ZDHHC6: variants seen among roughly 807,000 people sequenced by gnomAD.
ZDHHC6 encodes the protein palmitoyltransferase ZDHHC6.
ZDHHC6 carries 32 observed loss-of-function variants against 57.8 expected under a neutral mutation model. That is an observed-to-expected ratio of 0.55 (90% CI 0.42 to 0.74). The LOEUF is 0.74. ZDHHC6 is among the 30% of genes least tolerant of loss of function. ZDHHC6 has a pLI of 0.00. For synonymous variants in ZDHHC6, 128 were observed against 158.0 expected, an observed-to-expected ratio of 0.81 and a Z score of 1.42; for missense variants, 433 against 500.7, an observed-to-expected ratio of 0.86 and a Z score of 1.29.
At position 112,425,291 on chromosome 10, in the gene ZDHHC6, C is replaced by T. The variant is rs771266502; in HGVS notation, c.*346G>A. 1.3e-5 allele frequency: 20 copies of T among 1,537,046 alleles called. No individual in the cohort carries two copies. In the African/African-American group the frequency reaches 2.5e-4, roughly 19 times the overall value. On this transcript the variant is annotated 3_prime_UTR_variant, in exon 12 of 12. Coordinates refer to the ZDHHC6 transcript ENST00000626395. ...ACTTCACCACTCTCCCCACTGATAT[C>T]ATCTCTGTGGCTCAAAAATACTGAT...
intron 2 of ZDHHC6, among the ~76,000 whole-genome samples, chr10:112,444,447 G>A (rs1846447063): frequency 6.6e-6 from 1 of 152,210 alleles, no homozygotes; most frequent in Non-Finnish European, 1.5e-5. Flanking sequence ...TAGGTTATAA[G>A]CTCTTTCAGA....
At chr10:112,445,081 CTG>C in intron 2 of ZDHHC6, 87 bp downstream of exon 2, 9 of 1,414,686 alleles carry the variant, frequency 6.4e-6, no homozygotes, top group Non-Finnish European at 7.7e-6. Context: ...AAACAGTAGG[CTG>C]TGTTTGGTAT....
At chr10:112,436,520 A>T (rs1845547850) in intron 6 of ZDHHC6, among the ~76,000 whole-genome samples, 1 of 152,232 alleles carries the variant, frequency 6.6e-6, no homozygotes, top group Non-Finnish European at 1.5e-5. Context: ...CTTATGTAGA[A>T]GCTAAGAAGC....
chr10:112,425,274 ACT>A, exon 12 of ZDHHC6: 4 of 1,418,034 alleles, frequency 2.8e-6, no homozygotes, highest in Non-Finnish European at 3.8e-6. Flanking sequence ...TGACTTCACC[ACT>A]CTCCCCACTG....
Position 112,440,537 on chromosome 10 carries a change from G to C in ZDHHC6, c.678C>G (p.Ile226Met), listed in dbSNP as rs780941940. The change falls in exon 5 of 11, where the codon ATC becomes ATG. Residue 226 changes from isoleucine (I) to methionine (M), a missense_variant. Coordinates refer to ENST00000369405, the MANE Select transcript of ZDHHC6 (RefSeq NM_022494.3). ...TTGAGGTAATTGAGATGCTTACCTG[G>C]ATAAAAAACAACATCCCAACAGCTA... is the stretch of plus-strand genomic sequence containing the variant. ...TTIAVGMLFF[I>M]QMKIILRNKT... 6.2e-6 allele frequency: 10 copies of C among 1,612,360 alleles called. No homozygotes were observed. In the Admixed American group the frequency reaches 1.7e-4, roughly 27 times the overall value.
At chr10:112,447,560 G>T (rs976791714), upstream of ZDHHC6, 3 of 1,428,796 alleles carry the variant, frequency 2.1e-6, no homozygotes, top group Non-Finnish European at 2.9e-6. Context: ...TCTATGAGGC[G>T]CGAGGCTGGA....
At chr10:112,431,171 G>A (rs1370494971) in intron 10 of ZDHHC6, among the ~76,000 whole-genome samples, 2 of 152,156 alleles carry the variant, frequency 1.3e-5, no homozygotes, top group Non-Finnish European at 2.9e-5. Context: ...CTAGAGTCAG[G>A]GGGAACTCGG....
chr10:112,447,217 A>G (rs1846862843), upstream of ZDHHC6: 2 of 668,774 alleles, frequency 3.0e-6, no homozygotes, highest in Non-Finnish European at 4.8e-6. Flanking sequence ...ATTGCGACGA[A>G]CAACCAGGAA....
intron 4 of ZDHHC6, among the ~76,000 whole-genome samples, chr10:112,441,763 T>C (rs1375432301): frequency 6.6e-6 from 1 of 152,206 alleles, no homozygotes; most frequent in African/African-American, 2.4e-5. Context: ...TGGTTTAATC[T>C]GTTTATATTT....
chr10:112,436,968 TA>T (rs2133833972), intron 6 of ZDHHC6, among the ~76,000 whole-genome samples: 1 of 152,328 alleles, frequency 6.6e-6, no homozygotes, highest in South Asian at 2.1e-4. Context: ...TTTTTTAATG[TA>T]ACACTATTCT....
rs749767591 is a variant in ZDHHC6 at position 112,432,304 on chromosome 10, T to C, written c.1092-18A>G. The C allele has an allele frequency of 1.2e-6, 2 of 1,607,706 alleles. No individual in the cohort carries two copies. The highest frequency in any genetic ancestry group is 1.7e-6 in the Non-Finnish European group (2 of 1,178,290). On this transcript the variant is annotated intron_variant, in intron 9 of 10. Transcript: ENST00000369405. ...ACCAGTATCTGAAATATTTAAAAGA[T>C]GAAAATTAATTTTTTAGGCTAGATA...
chr10:112,425,971 TTA>T (rs778409486), downstream of ZDHHC6, among the ~76,000 whole-genome samples: 2 of 152,178 alleles, frequency 1.3e-5, no homozygotes, highest in African/African-American at 4.8e-5. Context: ...AATGTAGCTT[TTA>T]GGGGACAAGG....
chr10:112,441,175 C>T (rs1254852355), intron 4 of ZDHHC6, among the ~76,000 whole-genome samples: 3 of 152,138 alleles, frequency 2.0e-5, no homozygotes, highest in Non-Finnish European at 2.9e-5. Flanking sequence ...GTAATGAGCT[C>T]GGACCGATGT....
At chr10:112,439,669 A>AAAAAAAAAAAAAAAAAAAAAAAT (rs757796332) in intron 5 of ZDHHC6, among the ~76,000 whole-genome samples, 1 of 108,562 alleles carries the variant, frequency 9.2e-6, no homozygotes. Flanking sequence ...AAAAAAAAAA[A>AAAAAAAAAAAAAAAAAAAAAAAT]GAATGAAAAA....
chr10:112,440,408 C>G, intron 5 of ZDHHC6, 126 bp downstream of exon 5: 2 of 1,076,800 alleles, frequency 1.9e-6, no homozygotes, highest in Non-Finnish European at 2.6e-6. Flanking sequence ...GATTAGTTAC[C>G]TAAATGAAAT....
Position 112,445,529 on chromosome 10 carries a change from T to C in ZDHHC6, c.-93A>G. On this transcript the variant is annotated 5_prime_UTR_variant, in exon 2 of 11. Coordinates refer to ENST00000369405, the MANE Select transcript of ZDHHC6 (RefSeq NM_022494.3). ...CCATGTGCCACAAGTCCATGTGTGT[T>C]CTTTAATTGTCATGCCTTCAAGCTG... The C allele has an allele frequency of 7.1e-7, 1 of 1,407,444 alleles. No individual in the cohort carries two copies. The highest frequency in any genetic ancestry group is 9.6e-7 in the Non-Finnish European group (1 of 1,041,832). 87.2% of individuals were successfully genotyped at this position (1,407,444 alleles called of 1,614,324 possible).
downstream of ZDHHC6, chr10:112,425,594 C>CAAAAAAAAA (rs1844640444): frequency 2.4e-6 from 1 of 425,274 alleles, no homozygotes; most frequent in African/African-American, 2.8e-5. Flanking sequence ...GCTTATAAAA[C>CAAAAAAAAA]TAAAAAAAAA....
downstream of ZDHHC6, chr10:112,427,426 C>CT (rs1444535829): frequency 7.0e-7 from 1 of 1,434,446 alleles, no homozygotes; most frequent in Non-Finnish European, 9.3e-7. Flanking sequence ...AAAAACTATT[C>CT]TTACATTTGT....
rs1162714067 is a variant in ZDHHC6, at chr10:112,446,865, G to T, written c.-375C>A. On this transcript the variant is annotated 5_prime_UTR_variant, in exon 1 of 11. Coordinates refer to ENST00000369405, the MANE Select transcript of ZDHHC6 (RefSeq NM_022494.3). ...CTGGCAGCGAGAGGCTGGAGTGCGG[G>T]ACCTGCTACAAGCCGAGCACCTCTC... 2 of 186,038 alleles carry T rather than the reference G, an allele frequency of 1.1e-5. No homozygotes were observed. Among genetic ancestry groups the T allele is most frequent in the East Asian group, 9.1e-5 (1 of 11,010 alleles). The allele number at this position is 186,038 out of a possible 1,614,324, so 11.5% of individuals were successfully genotyped here. A position where few individuals can be genotyped will look rare whatever the true frequency, so the allele number is the denominator to read the frequency against.
Sources: allele counts gnomAD v4.1 joint callset (sites outside exome capture counted in the v4.1 genomes callset), GRCh38; gene constraint gnomAD v4.1.1; transcripts MANE v1.5; gene names NCBI Gene and HGNC (gene_info 2026-07-23, HGNC 2026-07-21).